PCDHA2: variants seen among roughly 807,000 people sequenced by gnomAD.
The protein encoded by PCDHA2 is protocadherin alpha-2.
A neutral mutation model predicts 66.0 loss-of-function variants in PCDHA2; 58 were observed. The ratio of observed to expected loss-of-function variants is 0.88; its 90% CI spans 0.71 to 1.09. The LOEUF is 1.09. Among genes scored for constraint, PCDHA2 ranks in the 50% least tolerant of loss-of-function variants. The pLI is 0.00. For synonymous variants in PCDHA2, 634 were observed against 554.0 expected (o/e 1.14, Z -2.03); for missense variants, 1,267 against 1,242.3 (o/e 1.02, Z -0.30).
At chr5:140,903,979 C>T (rs988987540) in intron 1 of PCDHA2, among the ~76,000 whole-genome samples, 3 of 152,150 alleles carry the variant, frequency 2.0e-5, no homozygotes, top group Admixed American at 2.0e-4. Flanking sequence ...GGTCTATTCA[C>T]AATGTAACAG....
chr5:140,823,191 C>T lies in PCDHA2; in HGVS notation c.2388+25839C>T, dbSNP rs2150123278. 1.1e-5 allele frequency: 18 copies of T among 1,613,916 alleles called. No individual in the cohort carries two copies. In the South Asian group the frequency reaches 1.5e-4, roughly 14 times the overall value. ...AGGAGAACAACCCGCCAGGCTGCCA[C>T]ATCTTCACGGTGTCTGCACGGGACG... is the stretch of plus-strand genomic sequence containing the variant. On this transcript the variant is annotated intron_variant, in intron 1 of 3. Coordinates refer to ENST00000526136, the MANE Select transcript of PCDHA2 (RefSeq NM_018905.3).
chr5:140,978,182 AC>A (rs1240611427), intron 1 of PCDHA2, among the ~76,000 whole-genome samples: 1 of 152,186 alleles, frequency 6.6e-6, no homozygotes, highest in African/African-American at 2.4e-5. Context: ...AGAGAGGGCA[AC>A]AGATCTTTTC....
At chr5:140,802,037 T>C (rs782151411) in intron 1 of PCDHA2, 8 of 1,614,076 alleles carry the variant, frequency 5.0e-6, no homozygotes, top group Non-Finnish European at 6.8e-6. Context: ...TCGCGTATTC[T>C]TTCAATACGG....
At chr5:140,898,507 C>T (rs538521734) in intron 1 of PCDHA2, among the ~76,000 whole-genome samples, 23 of 152,140 alleles carry the variant, frequency 1.5e-4, no homozygotes, top group African/African-American at 5.1e-4. Context: ...TGTAGATATG[C>T]GGCGTTATTT....
intron 1 of PCDHA2, chr5:140,863,394 G>A (rs1342756414): frequency 2.2e-6 from 2 of 929,190 alleles, no homozygotes; most frequent in South Asian, 1.3e-5. Context: ...CGTGCATGCC[G>A]GGCAAGCCCA....
chr5:140,833,968 A>T (rs1772743060), intron 1 of PCDHA2, among the ~76,000 whole-genome samples: 1 of 152,214 alleles, frequency 6.6e-6, no homozygotes, highest in African/African-American at 2.4e-5. Context: ...ACTGTGTGAA[A>T]AAAAAGTTTT....
At chr5:140,919,674 G>C (rs1554199207) in intron 1 of PCDHA2, among the ~76,000 whole-genome samples, 1 of 151,886 alleles carries the variant, frequency 6.6e-6, no homozygotes, top group Non-Finnish European at 1.5e-5. Context: ...TTAGCTTATT[G>C]GTATCTGCTT....
chr5:140,971,040 A>G (rs1554232989), intron 1 of PCDHA2, among the ~76,000 whole-genome samples: 2 of 152,194 alleles, frequency 1.3e-5, no homozygotes, highest in Non-Finnish European at 2.9e-5. Flanking sequence ...AAGCACGTAA[A>G]AGGGTTTAGC....
intron 1 of PCDHA2, chr5:140,805,546 G>A (rs1166204316): frequency 1.0e-6 from 1 of 983,054 alleles, no homozygotes; most frequent in Non-Finnish European, 1.2e-6. Flanking sequence ...ATAACTTTAT[G>A]GATATAGGAG....
At chr5:140,885,595 A>G (rs1386755812) in intron 1 of PCDHA2, among the ~76,000 whole-genome samples, 1 of 152,218 alleles carries the variant, frequency 6.6e-6, no homozygotes, top group Non-Finnish European at 1.5e-5. Context: ...CATCAAAGAT[A>G]TTAATAATTT....
chr5:140,938,245 C>T (rs1008412260), intron 1 of PCDHA2, among the ~76,000 whole-genome samples: 1 of 152,168 alleles, frequency 6.6e-6, no homozygotes, highest in South Asian at 2.1e-4. Context: ...CATGCCTGGT[C>T]TTTTAAAAAC....
intron 1 of PCDHA2, chr5:140,865,192 A>G (rs1306002523): frequency 6.6e-6 from 1 of 152,218 alleles, no homozygotes; most frequent in Admixed American, 6.5e-5. Context: ...CCTTCACACC[A>G]TATTAATGTG....
At chr5:140,914,583 A>C (rs1583912822) in intron 1 of PCDHA2, among the ~76,000 whole-genome samples, 1 of 151,992 alleles carries the variant, frequency 6.6e-6, no homozygotes, top group East Asian at 1.9e-4. Flanking sequence ...CAATAATTTC[A>C]TTTAAGTAGG....
At position 140,950,404 on chromosome 5, in the gene PCDHA2, T is replaced by C. The variant is rs947428237; in HGVS notation, c.2389-28545T>C. ...TTGAATGATATAGAATTCTGGGGGATTGACAGATTTTATTTTCTTCCACTT... is the reference window on the plus strand; with the variant it reads ...TTGAATGATATAGAATTCTGGGGGACTGACAGATTTTATTTTCTTCCACTT... On this transcript the variant is annotated intron_variant, in intron 1 of 3. Coordinates refer to ENST00000526136, the MANE Select transcript of PCDHA2 (RefSeq NM_018905.3). 2.0e-5 allele frequency among the ~76,000 whole-genome samples: 3 copies of C among 152,044 alleles called. 1 individual carries two copies. Among genetic ancestry groups the C allele is most frequent in the East Asian group, 1.9e-4 (1 of 5,204 alleles).
chr5:141,003,741 A>G (rs1291595687), intron 3 of PCDHA2, among the ~76,000 whole-genome samples: 5 of 152,180 alleles, frequency 3.3e-5, no homozygotes, highest in South Asian at 2.1e-4. Flanking sequence ...AAGCAAAACC[A>G]TATTTTGTAT....
At chr5:140,857,413 G>A (rs979396078) in intron 1 of PCDHA2, 1 of 1,598,402 alleles carries the variant, frequency 6.3e-7, no homozygotes, top group African/African-American at 1.3e-5. Context: ...CTGCGTTCGC[G>A]CAGTCCGAGT....
chr5:140,882,450 C>T (rs781827745), intron 1 of PCDHA2: 2 of 1,613,990 alleles, frequency 1.2e-6, no homozygotes, highest in Non-Finnish European at 1.7e-6. Flanking sequence ...GAGCTGGTGC[C>T]GCGCCTGTTC....
chr5:140,870,028 T>A, intron 1 of PCDHA2: 1 of 1,613,550 alleles, frequency 6.2e-7, no homozygotes, highest in Non-Finnish European at 8.5e-7. Flanking sequence ...AACTTTAGAT[T>A]ATGAAGAAAA....
At chr5:140,836,409 C>T in intron 1 of PCDHA2, 1 of 1,613,780 alleles carries the variant, frequency 6.2e-7, no homozygotes, top group South Asian at 1.1e-5. Flanking sequence ...CGGCCAGGCA[C>T]CAAAGGCGTC....
Sources: gnomAD v4.1 joint callset for allele counts (sites outside exome capture counted in the v4.1 genomes callset) on GRCh38, gnomAD v4.1.1 for gene constraint, MANE v1.5 for transcripts, NCBI Gene and HGNC (gene_info 2026-07-23, HGNC 2026-07-21) for gene names.